AP4E1: variants seen among roughly 807,000 people sequenced by gnomAD.
AP4E1 encodes the protein adaptor related protein complex 4 subunit epsilon 1.
A neutral mutation model predicts 128.2 loss-of-function variants in AP4E1; 56 were observed. The observed-to-expected ratio is 0.44, with a 90% CI of 0.35 to 0.55. AP4E1 has a LOEUF of 0.55. Among genes scored for constraint, AP4E1 ranks in the 20% least tolerant of loss-of-function variants. AP4E1 has a pLI of 0.00. For missense variants in AP4E1, 1,324 were observed against 1,307.7 expected (o/e 1.01, Z -0.19); for synonymous variants, 484 against 473.1 (o/e 1.02, Z -0.30).
chr15:50,958,839 A>G (rs566280620), intron 14 of AP4E1, 45 bp downstream of exon 14: 1 of 1,569,920 alleles, frequency 6.4e-7, no homozygotes, highest in South Asian at 1.1e-5. Context: ...CGTTGTCATT[A>G]AACAGAGTAA....
At chr15:50,992,064 C>T (rs1344162530) in intron 16 of AP4E1, among the ~76,000 whole-genome samples, 1 of 151,184 alleles carries the variant, frequency 6.6e-6, no homozygotes, top group Non-Finnish European at 1.5e-5. Context: ...TGTGCGGGTC[C>T]ACTTAATACA....
rs1310494020 is a variant in AP4E1, at chr15:50,929,063, T to C, written c.597T>C (p.Ala199=). 2 of 1,613,880 alleles carry C rather than the reference T, an allele frequency of 1.2e-6. No homozygotes were observed. Among genetic ancestry groups the C allele is most frequent in the Non-Finnish European group, 1.7e-6 (2 of 1,179,896 alleles). Residue 199 remains alanine, a synonymous_variant, in exon 6 of 21, where the codon GCT becomes GCC. Coordinates refer to ENST00000261842, the MANE Select transcript of AP4E1 (RefSeq NM_007347.5). The part of the protein sequence containing the change: ...VLALYKFHLI[A]PNQVQHIHIK... ...CATTATACAAATTCCATCTCATTGC[T>C]CCTAATCAAGTACAACATATTCATA...
At chr15:50,960,678 T>C (rs2064300445) in intron 14 of AP4E1, among the ~76,000 whole-genome samples, 1 of 151,820 alleles carries the variant, frequency 6.6e-6, no homozygotes, top group South Asian at 2.1e-4. Context: ...ATCAGAAAAG[T>C]AGAAGGATTT....
At position 51,004,747 on chromosome 15, in the gene AP4E1, A is replaced by T. The variant is rs1046695085; in HGVS notation, c.*2085A>T. ...TTTATATTTTTATGATTTTAAAAAC[A>T]AACAATAATAGAAAAACAGATTTTA... On this transcript the variant is annotated 3_prime_UTR_variant, in exon 21 of 21. Transcript: ENST00000261842. 2.0e-5 allele frequency: 3 copies of T among 152,474 alleles called. No individual in the cohort carries two copies. The East Asian group carries it at 5.8e-4, about 30-fold the overall frequency. The allele number at this position is 152,474 out of a possible 1,614,324, so 9.4% of individuals were successfully genotyped here. A position where few individuals can be genotyped will look rare whatever the true frequency, so the allele number is the denominator to read the frequency against.
At chr15:50,982,361 G>A (rs1470581349) in intron 15 of AP4E1, among the ~76,000 whole-genome samples, 1 of 152,164 alleles carries the variant, frequency 6.6e-6, no homozygotes, top group Non-Finnish European at 1.5e-5. Flanking sequence ...GGATATTCTA[G>A]TTGGAAAGGA....
chr15:50,946,516 A>G (rs1011010847), intron 10 of AP4E1, among the ~76,000 whole-genome samples: 1 of 152,178 alleles, frequency 6.6e-6, no homozygotes, highest in African/African-American at 2.4e-5. Flanking sequence ...TATAAATAAT[A>G]TTATAATTTG....
rs143095641 is a variant in AP4E1 at position 50,988,749 on chromosome 15, G to A, written c.2090+4604G>A. ...TGTGAAACTCTATTGCTTTCACACC[G>A]TTGTAAAGCCAAAAAATCATTAAAT... On this transcript the variant is annotated intron_variant, in intron 16 of 20. Coordinates refer to ENST00000261842, the MANE Select transcript of AP4E1 (RefSeq NM_007347.5). 2.8e-4 allele frequency among the ~76,000 whole-genome samples: 42 copies of A among 152,198 alleles called. No individual in the cohort carries two copies. In the East Asian group the frequency reaches 4.6e-3, roughly 17 times the overall value.
In AP4E1 at chr15:50,911,461, ACTCT is replaced by A. The variant is rs1014546102; in HGVS notation, c.151-611_151-608del. 1.3e-3 allele frequency among the ~76,000 whole-genome samples: 180 copies of A among 140,462 alleles called. 1 individual carries two copies. The highest frequency in any genetic ancestry group is 4.6e-3 in the African/African-American group (175 of 37,686). The allele number at this position is 140,462 out of a possible 152,430, so 92.1% of individuals were successfully genotyped here. The stretch of plus-strand genomic sequence containing the variant: ...TTGGGCCAATACATGGAGAATTTCT[ACTCT>A]CTCTCCACCTTTAATTTTTTTTTTT... On this transcript the variant is annotated intron_variant, in intron 1 of 20. Transcript: ENST00000261842.
At chr15:50,932,929 C>T (rs7179321) in intron 7 of AP4E1, among the ~76,000 whole-genome samples, 20,999 of 152,142 alleles carry the variant, frequency 0.14, 1,593 homozygotes, top group South Asian at 0.2. Flanking sequence ...GTTGGAGTTA[C>T]TGGAATTTAT....
intron 5 of AP4E1, among the ~76,000 whole-genome samples, chr15:50,927,836 C>A (rs538448482): frequency 6.6e-6 from 1 of 152,070 alleles, no homozygotes; most frequent in South Asian, 2.1e-4. Context: ...TGAGATTCTA[C>A]GACAGAAATA....
At chr15:50,967,206 G>A (rs530801864) in intron 14 of AP4E1, among the ~76,000 whole-genome samples, 10 of 152,170 alleles carry the variant, frequency 6.6e-5, no homozygotes, top group Admixed American at 5.9e-4. Context: ...CTGAATAATG[G>A]CCCTTGCAGA....
intron 15 of AP4E1, among the ~76,000 whole-genome samples, chr15:50,974,431 T>C (rs2064524994): frequency 6.6e-6 from 1 of 151,968 alleles, no homozygotes; most frequent in African/African-American, 2.4e-5. Flanking sequence ...CATGCCTGGT[T>C]CATTTTTAAT....
intron 17 of AP4E1, among the ~76,000 whole-genome samples, chr15:50,995,545 C>T (rs529470597): frequency 3.3e-5 from 5 of 151,950 alleles, no homozygotes; most frequent in East Asian, 3.9e-4. Flanking sequence ...GCCACCACGC[C>T]GAGCTCATTT....
chr15:50,977,617 G>A (rs1244312720), intron 15 of AP4E1, among the ~76,000 whole-genome samples: 1 of 151,390 alleles, frequency 6.6e-6, no homozygotes, highest in African/African-American at 2.4e-5. Context: ...AATGGGGTTG[G>A]CTATAAGACA....
At chr15:50,962,588 A>G (rs186835215) in intron 14 of AP4E1, among the ~76,000 whole-genome samples, 34 of 152,256 alleles carry the variant, frequency 2.2e-4, no homozygotes, top group Non-Finnish European at 3.1e-4. Flanking sequence ...CTCTCACCAT[A>G]TAAAAAAATC....
At chr15:50,992,196 G>GTAA (rs2064815214) in intron 16 of AP4E1, among the ~76,000 whole-genome samples, 1 of 151,972 alleles carries the variant, frequency 6.6e-6, no homozygotes, top group Non-Finnish European at 1.5e-5. Flanking sequence ...AGATTGTCAG[G>GTAA]AATACATAAA....
intron 7 of AP4E1, among the ~76,000 whole-genome samples, chr15:50,932,446 T>C (rs2141160816): frequency 6.6e-6 from 1 of 152,362 alleles, no homozygotes; most frequent in East Asian, 1.9e-4. Flanking sequence ...CACCTACATA[T>C]TATTTTTATT....
At chr15:50,966,380 G>C (rs1184459005) in intron 14 of AP4E1, among the ~76,000 whole-genome samples, 1 of 152,096 alleles carries the variant, frequency 6.6e-6, no homozygotes, top group Non-Finnish European at 1.5e-5. Flanking sequence ...CAGAGGCCTT[G>C]TTTTAGTATT....
chr15:50,960,706 G>C (rs1023568805), intron 14 of AP4E1, among the ~76,000 whole-genome samples: 4 of 151,760 alleles, frequency 2.6e-5, no homozygotes, highest in African/African-American at 9.7e-5. Flanking sequence ...ACAACCTTAT[G>C]ATGCACCTCA....
Sources: gnomAD v4.1 joint callset for allele counts (sites outside exome capture counted in the v4.1 genomes callset) on GRCh38, gnomAD v4.1.1 for gene constraint, MANE v1.5 for transcripts, NCBI Gene and HGNC (gene_info 2026-07-23, HGNC 2026-07-21) for gene names.